Variants in B4GALT1 observed in about 807,000 individuals in gnomAD.
B4GALT1 encodes the protein N-acetyllactosamine synthase.
In B4GALT1, 16 loss-of-function variants were observed where a neutral mutation model predicts 34.9. That is an observed-to-expected ratio of 0.46 (90% confidence interval 0.31 to 0.70). B4GALT1 has a LOEUF of 0.70. Ranked by LOEUF, B4GALT1 falls within the 30% of genes least tolerant of loss-of-function variation. The pLI, the probability that B4GALT1 is intolerant of heterozygous loss-of-function variation, is 0.05. For missense variants in B4GALT1, 445 were observed against 530.5 expected (o/e 0.84, Z 1.58); for synonymous variants, 221 against 218.1 (o/e 1.01, Z -0.12).
At chr9:33,150,613 A>AT (rs1290500174) in intron 1 of B4GALT1, among the ~76,000 whole-genome samples, 6 of 152,170 alleles carry the variant, frequency 3.9e-5, no homozygotes, top group Admixed American at 2.6e-4. Flanking sequence ...TACAAGAGGG[A>AT]TTTTTTTGGG....
upstream of B4GALT1, among the ~76,000 whole-genome samples, chr9:33,170,304 CA>C (rs1840828346): frequency 6.6e-6 from 1 of 152,112 alleles, no homozygotes; most frequent in South Asian, 2.1e-4. Flanking sequence ...ATACTGTGAT[CA>C]TCTTAATGAT....
At chr9:33,175,440 A>C in the B4GALT1 span, among the ~76,000 whole-genome samples, 2 of 152,200 alleles carry the variant, frequency 1.3e-5, no homozygotes, top group African/African-American at 4.8e-5. Context: ...TTGTGGTTAC[A>C]CTGGAAATAT....
chr9:33,137,769 C>T (rs967308009), intron 1 of B4GALT1, among the ~76,000 whole-genome samples: 1 of 152,128 alleles, frequency 6.6e-6, no homozygotes, highest in African/African-American at 2.4e-5. Context: ...CATCTGATGT[C>T]AAGGCTTAGG....
intron 1 of B4GALT1, among the ~76,000 whole-genome samples, chr9:33,164,624 A>G (rs1271617886): frequency 2.6e-5 from 4 of 152,240 alleles, no homozygotes; most frequent in African/African-American, 4.8e-5. Flanking sequence ...TGACAAGCCG[A>G]TCACTAGCAA....
At chr9:33,131,385 G>A (rs948465784) in intron 2 of B4GALT1, among the ~76,000 whole-genome samples, 3 of 152,242 alleles carry the variant, frequency 2.0e-5, no homozygotes, top group African/African-American at 7.2e-5. Flanking sequence ...AGCCAAGGAA[G>A]TGGAAATGGG....
chr9:33,135,457 G>A (rs1440797258), intron 1 of B4GALT1, 33 bp from the exon 2 acceptor site: 3 of 1,597,546 alleles, frequency 1.9e-6, no homozygotes, highest in Admixed American at 1.7e-5. Flanking sequence ...AAGTTAGCAG[G>A]CCACAGGACT....
chr9:33,167,598 C>T (rs1840789473), upstream of B4GALT1, among the ~76,000 whole-genome samples: 1 of 152,208 alleles, frequency 6.6e-6, no homozygotes, highest in African/African-American at 2.4e-5. Context: ...GAGCTTCGGT[C>T]GCGTTGAGCC....
intron 1 of B4GALT1, among the ~76,000 whole-genome samples, chr9:33,153,078 G>A (rs1056065035): frequency 1.4e-4 from 21 of 152,060 alleles, no homozygotes; most frequent in African/African-American, 5.1e-4. Flanking sequence ...CAATAAACAC[G>A]TGAAAATTTG....
chr9:33,127,048 G>A (rs530799797), intron 2 of B4GALT1, among the ~76,000 whole-genome samples: 59 of 152,172 alleles, frequency 3.9e-4, no homozygotes, highest in African/African-American at 1.4e-3. Context: ...TGCAAGCTCC[G>A]CCTCCCGGGT....
chr9:33,151,207 G>T (rs1221462922), intron 1 of B4GALT1, among the ~76,000 whole-genome samples: 3 of 152,164 alleles, frequency 2.0e-5, no homozygotes, highest in Admixed American at 6.5e-5. Context: ...CTTATCCTGC[G>T]GCTTCCCTTG....
chr9:33,141,424 G>A (rs1840347722), intron 1 of B4GALT1, among the ~76,000 whole-genome samples: 1 of 152,136 alleles, frequency 6.6e-6, no homozygotes, highest in Admixed American at 6.5e-5. Flanking sequence ...GGCTGAGGCA[G>A]GAGAATCTCT....
chr9:33,132,608 C>T (rs1447206163), intron 2 of B4GALT1, among the ~76,000 whole-genome samples: 16 of 152,186 alleles, frequency 1.1e-4, no homozygotes, highest in Admixed American at 9.8e-4. Flanking sequence ...TCCATCTACT[C>T]GGATTGAGGT....
chr9:33,147,100 G>C (rs1840438101), intron 1 of B4GALT1, among the ~76,000 whole-genome samples: 1 of 152,194 alleles, frequency 6.6e-6, no homozygotes, highest in African/African-American at 2.4e-5. Context: ...CCTCTAAAAA[G>C]CTACAGTCAA....
chr9:33,159,053 C>T (rs1184669724), intron 1 of B4GALT1, among the ~76,000 whole-genome samples: 1 of 152,124 alleles, frequency 6.6e-6, no homozygotes, highest in Admixed American at 6.5e-5. Context: ...AATACCACAT[C>T]CCCACAATCC....
At chr9:33,164,441 G>T (rs1440256860) in intron 1 of B4GALT1, among the ~76,000 whole-genome samples, 1 of 152,108 alleles carries the variant, frequency 6.6e-6, no homozygotes, top group Non-Finnish European at 1.5e-5. Context: ...AGACCTCTCG[G>T]CCCCCATTTC....
chr9:33,106,507 G>A (rs944655598), downstream of B4GALT1, among the ~76,000 whole-genome samples: 1 of 152,234 alleles, frequency 6.6e-6, no homozygotes, highest in Non-Finnish European at 1.5e-5. Context: ...TTAAGGAAGA[G>A]CAGGTGAGAG....
At position 33,114,846 on chromosome 9, in the gene B4GALT1, C is replaced by T. The variant is rs377611323; in HGVS notation, c.960-968G>A. Among the ~76,000 whole-genome samples, 9 of 152,348 alleles carry T rather than the reference C, an allele frequency of 5.9e-5. No homozygotes were observed. In the East Asian group the frequency reaches 1.2e-3, roughly 20 times the overall value. On this transcript the variant is annotated intron_variant, in intron 4 of 5. Coordinates refer to ENST00000379731, the MANE Select transcript of B4GALT1 (RefSeq NM_001497.4). The stretch of plus-strand genomic sequence containing the variant: ...TTTATCTTTCAAGAAAGTTGCTCCA[C>T]ACACCACCCATCCTTCTAGTGCCAC...
chr9:33,178,209 C>T, the B4GALT1 span, among the ~76,000 whole-genome samples: 4 of 151,984 alleles, frequency 2.6e-5, no homozygotes, highest in Admixed American at 2.6e-4. Flanking sequence ...CCAGGCTGGT[C>T]TCAAACTCCT....
intron 3 of B4GALT1, among the ~76,000 whole-genome samples, chr9:33,119,365 G>A (rs913090225): frequency 1.2e-4 from 18 of 152,296 alleles, no homozygotes; most frequent in Middle Eastern, 3.4e-3. Context: ...GGAAAAATTT[G>A]GGCTTTGTAT....
Sources: allele counts gnomAD v4.1 joint callset (sites outside exome capture counted in the v4.1 genomes callset), GRCh38; gene constraint gnomAD v4.1.1; transcripts MANE v1.5; gene names NCBI Gene and HGNC (gene_info 2026-07-23, HGNC 2026-07-21).